The following DNAH9 variants were observed in gnomAD, a reference collection of about 807,000 sequenced individuals.
The protein encoded by DNAH9 is DNAH9 variant protein.
Under a neutral mutation model 471.6 loss-of-function variants are expected in DNAH9, and 345 were observed. The ratio of observed to expected loss-of-function variants is 0.73; its 90% confidence interval spans 0.67 to 0.80. DNAH9 has a LOEUF of 0.80. Among genes scored for constraint, DNAH9 ranks in the 30% least tolerant of loss-of-function variants. The probability of loss-of-function intolerance (pLI) is 0.00; values close to 1 mark genes in which losing one functional copy is unlikely to be tolerated. For synonymous variants in DNAH9, 2,093 were observed against 2,123.6 expected (o/e 0.99, Z 0.40); for missense variants, 5,407 against 5,609.2 (o/e 0.96, Z 1.15).
chr17:11,923,469 G>A lies in DNAH9; in HGVS notation c.11750-345G>A, dbSNP rs563695088. Among the ~76,000 whole-genome samples, 113 of 151,920 alleles carry A rather than the reference G, an allele frequency of 7.4e-4. 1 individual carries two copies. The highest frequency in any genetic ancestry group is 2.6e-3 in the African/African-American group (107 of 41,414). Reference sequence around the variant, plus strand: ...TGGGACTACAGGCGCCCACCACCACGCCCAGCTAATTTTTTGTATTTTTAG... The same window carrying A: ...TGGGACTACAGGCGCCCACCACCACACCCAGCTAATTTTTTGTATTTTTAG... On this transcript the variant is annotated intron_variant, in intron 61 of 68. Transcript: ENST00000262442.
chr17:11,696,263 T>C (rs2074475101), intron 22 of DNAH9, among the ~76,000 whole-genome samples: 1 of 152,226 alleles, frequency 6.6e-6, no homozygotes, highest in Admixed American at 6.5e-5. Flanking sequence ...TGCTTTTTTC[T>C]ACTTAGCTAC....
At chr17:11,965,866 T>G (rs1432758244) in intron 68 of DNAH9, among the ~76,000 whole-genome samples, 17 of 152,112 alleles carry the variant, frequency 1.1e-4, no homozygotes, top group Admixed American at 1.1e-3. Flanking sequence ...ATAGCAGAAT[T>G]GAATAAGCAG....
At chr17:11,830,420 G>A (rs1970646179) in intron 48 of DNAH9, among the ~76,000 whole-genome samples, 1 of 152,186 alleles carries the variant, frequency 6.6e-6, no homozygotes, top group African/African-American at 2.4e-5. Flanking sequence ...TGTCAATCTG[G>A]AAACTTAAAT....
chr17:11,872,907 G>A (rs922045845), intron 52 of DNAH9, among the ~76,000 whole-genome samples: 2 of 152,230 alleles, frequency 1.3e-5, no homozygotes, highest in Non-Finnish European at 2.9e-5. Flanking sequence ...GCGACAGAGC[G>A]AGACTCCGTC....
intron 28 of DNAH9, among the ~76,000 whole-genome samples, chr17:11,735,089 C>T (rs912786913): frequency 5.9e-5 from 9 of 152,160 alleles, no homozygotes; most frequent in Non-Finnish European, 1.0e-4. Flanking sequence ...CCCAAGGACA[C>T]GTGGTGTGGG....
intron 17 of DNAH9, among the ~76,000 whole-genome samples, chr17:11,672,083 G>A (rs1024654300): frequency 6.6e-6 from 1 of 152,184 alleles, no homozygotes; most frequent in Admixed American, 6.5e-5. Context: ...TCTCCTCTGT[G>A]CCATGTAATT....
In DNAH9 at chr17:11,854,008, C is replaced by T. The variant is rs1971529042; in HGVS notation, c.9513C>T (p.Asn3171=). 6.2e-7 allele frequency: 1 copy of T among 1,613,116 alleles called. No individual in the cohort carries two copies. Among genetic ancestry groups the T allele is most frequent in the African/African-American group, 1.3e-5 (1 of 74,886 alleles). The change falls in exon 50 of 69, where the codon AAC becomes AAT. Residue 3171 remains asparagine, a synonymous_variant. Transcript: ENST00000262442. Reference sequence around the variant, plus strand: ...ACCTCCTTCTCTTTTCCCAGACCAACCTGACAGAGCTGAAGTCATTTGGCT... The same window carrying T: ...ACCTCCTTCTCTTTTCCCAGACCAATCTGACAGAGCTGAAGTCATTTGGCT... ...QAALNTLNKT[N]LTELKSFGSP...
intron 36 of DNAH9, among the ~76,000 whole-genome samples, chr17:11,765,079 T>G (rs1024086359): frequency 1.3e-5 from 2 of 152,138 alleles, no homozygotes; most frequent in African/African-American, 4.8e-5. Flanking sequence ...TACCTTACTC[T>G]CCCCATGTGC....
intron 28 of DNAH9, among the ~76,000 whole-genome samples, chr17:11,728,685 A>G (rs1035161213): frequency 1.3e-5 from 2 of 152,144 alleles, no homozygotes. Context: ...CCCATGAACA[A>G]TCGGAGCAGT....
chr17:11,941,693 C>T (rs901484561), intron 66 of DNAH9, among the ~76,000 whole-genome samples: 16 of 124,594 alleles, frequency 1.3e-4, no homozygotes, highest in African/African-American at 4.5e-4. Flanking sequence ...AGTGGATGAC[C>T]GGATAGATAG....
At chr17:11,957,728 T>C (rs1975727875) in intron 67 of DNAH9, among the ~76,000 whole-genome samples, 1 of 152,150 alleles carries the variant, frequency 6.6e-6, no homozygotes. Flanking sequence ...ACTTCAGCCA[T>C]ACACCACAGA....
At chr17:11,739,115 A>G in intron 29 of DNAH9, 78 bp downstream of exon 29, 3 of 1,394,672 alleles carry the variant, frequency 2.2e-6, no homozygotes, top group African/African-American at 1.4e-5. Flanking sequence ...TGTGTGACAT[A>G]TATTTTAAAG....
intron 28 of DNAH9, among the ~76,000 whole-genome samples, chr17:11,731,098 ATGG>A (rs2075259887): frequency 2.1e-5 from 2 of 95,598 alleles, no homozygotes; most frequent in South Asian, 3.7e-4. Flanking sequence ...GGTGGGGGTG[ATGG>A]TGGTCATGAT....
chr17:11,621,742 G>A (rs2072871487), intron 6 of DNAH9, among the ~76,000 whole-genome samples: 1 of 152,170 alleles, frequency 6.6e-6, no homozygotes, highest in Non-Finnish European at 1.5e-5. Flanking sequence ...GATCCGGGAG[G>A]AAAGACACAG....
intron 67 of DNAH9, among the ~76,000 whole-genome samples, chr17:11,960,435 TAAAAAAA>T (rs3074845): frequency 0.017 from 939 of 54,032 alleles, 33 homozygotes; most frequent in African/African-American, 0.056. Flanking sequence ...GACTCTGTCT[TAAAAAAA>T]AAAAAAAAAA....
rs1275656566 is a variant in DNAH9 at position 11,669,133 on chromosome 17, A to G, written c.2801A>G (p.Tyr934Cys). The G allele has an allele frequency of 2.5e-6, 4 of 1,613,882 alleles. No individual in the cohort carries two copies. Reference protein sequence around the residue: ...LSLAIPELVFYPSLESGVKGG... With the variant: ...LSLAIPELVFCPSLESGVKGG... ...CTAGCCATCCCAGAGCTAGTTTTCT[A>G]TCCGTCTCTGGAGTCTGGAGTGAAG... Residue 934 changes from tyrosine to cysteine, a missense_variant, in exon 16 of 69, where the codon TAT becomes TGT. Physicochemically the swap from Tyr to Cys is radical, Grantham distance 194. Transcript: ENST00000262442.
At chr17:11,722,218 C>T (rs181395047) in intron 27 of DNAH9, among the ~76,000 whole-genome samples, 13 of 152,164 alleles carry the variant, frequency 8.5e-5, no homozygotes, top group East Asian at 3.9e-4. Flanking sequence ...GAAATAAATG[C>T]GGAACAAGGG....
chr17:11,946,009 G>A (rs925740285), intron 67 of DNAH9, among the ~76,000 whole-genome samples: 1 of 151,948 alleles, frequency 6.6e-6, no homozygotes, highest in Non-Finnish European at 1.5e-5. Context: ...GACAAGCCTG[G>A]CCAACATGGT....
intron 36 of DNAH9, among the ~76,000 whole-genome samples, chr17:11,766,443 C>T (rs1597615300): frequency 6.6e-6 from 1 of 152,130 alleles, no homozygotes; most frequent in Admixed American, 6.5e-5. Context: ...TTTCATAAAA[C>T]CCCCACTTTA....
Sources: allele counts gnomAD v4.1 joint callset (sites outside exome capture counted in the v4.1 genomes callset), GRCh38; gene constraint gnomAD v4.1.1; transcripts MANE v1.5; gene names NCBI Gene and HGNC (gene_info 2026-07-23, HGNC 2026-07-21).